The following FOXO3 variants were observed in gnomAD, a reference collection of about 807,000 sequenced individuals.
FOXO3 encodes the protein forkhead box O3, also known as forkhead box protein O3.
Under a neutral mutation model 41.9 loss-of-function variants are expected in FOXO3, and 4 were observed. That is an observed-to-expected ratio of 0.10 (90% CI 0.05 to 0.22). FOXO3 has a LOEUF of 0.22. Among genes scored for constraint, FOXO3 ranks in the 10% least tolerant of loss-of-function variants. FOXO3 has a pLI of 1.00. For missense variants in FOXO3, 534 were observed against 906.8 expected, an observed-to-expected ratio of 0.59 and a Z score of 5.28; for synonymous variants, 318 against 389.3, an observed-to-expected ratio of 0.82 and a Z score of 2.16.
chr6:108,575,155 C>G (rs568889803), intron 1 of FOXO3, among the ~76,000 whole-genome samples: 7 of 152,284 alleles, frequency 4.6e-5, no homozygotes, highest in African/African-American at 1.7e-4. Context: ...TTAAAAAGAT[C>G]AAGTGGACAG....
Position 108,663,770 on chromosome 6 carries a change from A to G in FOXO3, c.937A>G (p.Thr313Ala), listed in dbSNP as rs1291103208. 1.1e-5 allele frequency: 17 copies of G among 1,613,948 alleles called. No individual in the cohort carries two copies. The highest frequency in any genetic ancestry group is 1.4e-5 in the Non-Finnish European group (17 of 1,179,846). ...LDAWTDFRSR[T>A]NSNASTVSGR... is the part of the protein sequence containing the mutation. ...TGCGTGGACGGACTTCCGTTCACGC[A>G]CCAATTCTAACGCCAGCACAGTCAG... Residue 313 changes from threonine to alanine, a missense_variant, in exon 2 of 3, where the codon ACC becomes GCC. This residue lies in a region of FOXO3 where 185 missense variants were observed against 224.9 expected (regional missense o/e 0.82). Transcript: ENST00000406360.
rs551011615 is a variant in FOXO3, at chr6:108,598,529, G to A, written c.621+36700G>A. ...AGCTGTCTGTGCTGGGCCCTGGTGG[G>A]AAATGGAGGGAAAAAAAATCTAGAG... On this transcript the variant is annotated intron_variant, in intron 1 of 2. Transcript: ENST00000406360. 3.3e-5 allele frequency among the ~76,000 whole-genome samples: 5 copies of A among 152,208 alleles called. No individual in the cohort carries two copies. In the South Asian group the frequency reaches 1.0e-3, roughly 32 times the overall value.
At chr6:108,589,268 C>A (rs777359747) in intron 1 of FOXO3, among the ~76,000 whole-genome samples, 2 of 152,144 alleles carry the variant, frequency 1.3e-5, no homozygotes, top group Non-Finnish European at 2.9e-5. Flanking sequence ...CCTGGGCACA[C>A]GCAGCCCACA....
chr6:108,643,679 A>G (rs1778321321), intron 1 of FOXO3, among the ~76,000 whole-genome samples: 1 of 152,218 alleles, frequency 6.6e-6, no homozygotes. Flanking sequence ...ACAGATAGCA[A>G]GAATGATTGG....
intron 1 of FOXO3, among the ~76,000 whole-genome samples, chr6:108,649,459 T>C (rs1245408175): frequency 2.7e-5 from 4 of 150,650 alleles, no homozygotes; most frequent in African/African-American, 9.8e-5. Flanking sequence ...GTTCTCCAAA[T>C]GGAGATTTGT....
chr6:108,581,136 G>A (rs1334086105), intron 1 of FOXO3, among the ~76,000 whole-genome samples: 1 of 152,228 alleles, frequency 6.6e-6, no homozygotes, highest in Non-Finnish European at 1.5e-5. Context: ...GTGCTTGGAA[G>A]CCAGTGGGTC....
intron 1 of FOXO3, among the ~76,000 whole-genome samples, chr6:108,653,784 A>G (rs1778611318): frequency 6.6e-6 from 1 of 152,188 alleles, no homozygotes; most frequent in South Asian, 2.1e-4. Flanking sequence ...GTGCAGCCTT[A>G]TTTTGTTTAA....
chr6:108,611,343 T>C (rs1173945258), intron 1 of FOXO3, among the ~76,000 whole-genome samples: 2 of 152,326 alleles, frequency 1.3e-5, no homozygotes, highest in Non-Finnish European at 2.9e-5. Flanking sequence ...TTCAGGACTT[T>C]TGGGGATGTA....
chr6:108,666,719 G>T (rs1715511123), intron 2 of FOXO3, among the ~76,000 whole-genome samples: 2 of 151,890 alleles, frequency 1.3e-5, no homozygotes, highest in Non-Finnish European at 2.9e-5. Flanking sequence ...AAAAAAAGCG[G>T]GGAGGGGAGG....
At chr6:108,644,951 C>T (rs1009732418) in intron 1 of FOXO3, among the ~76,000 whole-genome samples, 1 of 152,148 alleles carries the variant, frequency 6.6e-6, no homozygotes, top group African/African-American at 2.4e-5. Flanking sequence ...ATGAATGAGA[C>T]CAGGGACCAT....
chr6:108,609,508 G>A (rs1165197481), intron 1 of FOXO3, among the ~76,000 whole-genome samples: 2 of 152,164 alleles, frequency 1.3e-5, no homozygotes, highest in African/African-American at 2.4e-5. Context: ...GCCAAAATAC[G>A]ATTTGGCCTA....
intron 2 of FOXO3, among the ~76,000 whole-genome samples, chr6:108,666,502 A>ATTT (rs772194341): frequency 2.1e-5 from 3 of 141,686 alleles, no homozygotes; most frequent in Non-Finnish European, 4.7e-5. Context: ...CGCCTGGCTA[A>ATTT]TTTTTTTTTT....
chr6:108,596,428 G>A (rs1478643541), intron 1 of FOXO3, among the ~76,000 whole-genome samples: 3 of 145,590 alleles, frequency 2.1e-5, no homozygotes, highest in African/African-American at 7.5e-5. Flanking sequence ...AAGTAGTAAT[G>A]TGGACTCAGA....
intron 1 of FOXO3, among the ~76,000 whole-genome samples, chr6:108,588,482 A>G (rs1163556134): frequency 6.6e-6 from 1 of 152,230 alleles, no homozygotes; most frequent in Admixed American, 6.5e-5. Flanking sequence ...AACTGTAGTT[A>G]TAAAATTATA....
At chr6:108,594,789 A>G (rs1268454919) in intron 1 of FOXO3, among the ~76,000 whole-genome samples, 1 of 152,122 alleles carries the variant, frequency 6.6e-6, no homozygotes, top group Non-Finnish European at 1.5e-5. Flanking sequence ...TTCATCCCCA[A>G]ATCGGGCCTT....
chr6:108,676,186 G>A (rs1377388818), intron 2 of FOXO3, among the ~76,000 whole-genome samples: 4 of 152,176 alleles, frequency 2.6e-5, no homozygotes, highest in African/African-American at 9.7e-5. Flanking sequence ...GGCAGGGAGG[G>A]GAGAGAGGGC....
At chr6:108,562,460 C>G (rs186082936) in intron 1 of FOXO3, among the ~76,000 whole-genome samples, 44 of 152,172 alleles carry the variant, frequency 2.9e-4, no homozygotes, top group African/African-American at 1.1e-3. Flanking sequence ...TCGGAGATGT[C>G]GCTCCAGTAA....
chr6:108,599,549 G>A (rs1776985126), intron 1 of FOXO3, among the ~76,000 whole-genome samples: 1 of 152,140 alleles, frequency 6.6e-6, no homozygotes, highest in Non-Finnish European at 1.5e-5. Flanking sequence ...CCACAAACAT[G>A]CTTCTTCGTG....
chr6:108,683,678 C>T lies in FOXO3; in HGVS notation c.*3886C>T, dbSNP rs1317961976. 1 of 123,806 alleles carries T rather than the reference C, an allele frequency of 8.1e-6. No individual in the cohort carries two copies. Among genetic ancestry groups the T allele is most frequent in the African/African-American group, 2.6e-5 (1 of 38,872 alleles). The allele number at this position is 123,806 out of a possible 1,614,324, so 7.7% of individuals were successfully genotyped here. A position where few individuals can be genotyped will look rare whatever the true frequency, so the allele number is the denominator to read the frequency against. On this transcript the variant is annotated 3_prime_UTR_variant, in exon 3 of 3. Coordinates refer to ENST00000406360, the MANE Select transcript of FOXO3 (RefSeq NM_001455.4). ...TCCAGCCTGGGTAACAAGAGTGAAA[C>T]TCCGTGTCAAAAAAAAAAAAAAAAT...
Sources: gnomAD v4.1 joint callset for allele counts (sites outside exome capture counted in the v4.1 genomes callset) on GRCh38, gnomAD v4.1.1 for gene constraint, gnomAD v4.1.1 regional missense constraint, MANE v1.5 for transcripts, NCBI Gene and HGNC (gene_info 2026-07-23, HGNC 2026-07-21) for gene names.